DNAH7: variants seen among roughly 807,000 people sequenced by gnomAD.
DNAH7 encodes axonemal beta dynein heavy chain 7.
In DNAH7, 397 loss-of-function variants were observed where a neutral mutation model predicts 444.6. The ratio of observed to expected loss-of-function variants is 0.89; its 90% CI spans 0.82 to 0.97. The LOEUF is 0.97. Ranked by LOEUF, DNAH7 falls within the 50% of genes least tolerant of loss-of-function variation. DNAH7 has a pLI of 0.00. For missense variants in DNAH7, 4,902 were observed against 4,800.8 expected, an observed-to-expected ratio of 1.02 and a Z score of -0.62; for synonymous variants, 1,636 against 1,624.4, an observed-to-expected ratio of 1.01 and a Z score of -0.17.
chr2:195,824,105 T>C (rs1478368546), intron 49 of DNAH7, 150 bp downstream of exon 49: 1 of 647,854 alleles, frequency 1.5e-6, no homozygotes, highest in African/African-American at 1.8e-5. Context: ...ATGCAACATT[T>C]GGAAATTATT....
At chr2:196,029,425 G>A (rs1041190865) in intron 5 of DNAH7, among the ~76,000 whole-genome samples, 1 of 152,098 alleles carries the variant, frequency 6.6e-6, no homozygotes, top group Non-Finnish European at 1.5e-5. Context: ...AGGAATGGCT[G>A]TAGAAGTTCT....
intron 63 of DNAH7, 64 bp downstream of exon 63, chr2:195,754,273 C>A: frequency 6.8e-7 from 1 of 1,480,740 alleles, no homozygotes; most frequent in South Asian, 1.3e-5. Flanking sequence ...GGAAAGTATG[C>A]TAGAATGTCA....
chr2:195,912,238 G>A (rs1250151145), intron 24 of DNAH7, among the ~76,000 whole-genome samples: 5 of 152,104 alleles, frequency 3.3e-5, no homozygotes, highest in Non-Finnish European at 7.4e-5. Context: ...CTAACAGAGG[G>A]GCCTTTGAGA....
chr2:196,008,606 G>C (rs150555134), intron 10 of DNAH7, among the ~76,000 whole-genome samples: 2 of 152,284 alleles, frequency 1.3e-5, no homozygotes, highest in East Asian at 3.9e-4. Flanking sequence ...GCCATGAGAA[G>C]ATATGACATA....
intron 27 of DNAH7, chr2:195,901,336 A>G (rs1686692446): frequency 6.6e-6 from 1 of 152,180 alleles, no homozygotes; most frequent in Non-Finnish European, 1.5e-5. Context: ...TAAAAAGTAA[A>G]CAAATAAACA....
chr2:195,786,540 C>T (rs1328485031), intron 58 of DNAH7, among the ~76,000 whole-genome samples: 2 of 151,840 alleles, frequency 1.3e-5, no homozygotes, highest in Admixed American at 1.3e-4. Flanking sequence ...ACAGTCTATA[C>T]CCCAGGTTAA....
intron 12 of DNAH7, among the ~76,000 whole-genome samples, chr2:195,990,777 G>T (rs1378492656): frequency 7.7e-5 from 1 of 12,944 alleles, no homozygotes; most frequent in Admixed American, 1.0e-3. Context: ...TAGCTTTGTT[G>T]TGTGTGTGTG....
chr2:195,874,535 G>C (rs1369407707), intron 38 of DNAH7, among the ~76,000 whole-genome samples: 1 of 152,020 alleles, frequency 6.6e-6, no homozygotes, highest in Non-Finnish European at 1.5e-5. Flanking sequence ...GCCTGGCTTG[G>C]GGTGGTGGGG....
chr2:195,954,581 T>C lies in DNAH7; in HGVS notation c.3078+2680A>G, dbSNP rs1298527697. 2.0e-5 allele frequency among the ~76,000 whole-genome samples: 3 copies of C among 152,384 alleles called. No individual in the cohort carries two copies. The East Asian group carries it at 5.8e-4, about 29-fold the overall frequency. On this transcript the variant is annotated intron_variant, in intron 19 of 64. Transcript: ENST00000312428. Reference sequence around the variant, plus strand: ...CTGGGTCAAATGGTATTTCTAGTTCTAGATCCTTGAGGAATCACCACACTG... The same window carrying C: ...CTGGGTCAAATGGTATTTCTAGTTCCAGATCCTTGAGGAATCACCACACTG...
intron 2 of DNAH7, among the ~76,000 whole-genome samples, chr2:196,056,219 C>A (rs183826374): frequency 1.3e-5 from 2 of 151,854 alleles, no homozygotes; most frequent in Non-Finnish European, 2.9e-5. Flanking sequence ...CCGAGGCGGG[C>A]GGATTACCTG....
chr2:195,969,971 T>G lies in DNAH7; in HGVS notation c.2182A>C (p.Lys728Gln). The G allele has an allele frequency of 3.7e-6, 6 of 1,607,104 alleles. No homozygotes were observed. Among genetic ancestry groups the G allele is most frequent in the Non-Finnish European group, 5.1e-6 (6 of 1,178,346 alleles). ...YLKKAQILNG[K>Q]LDLAADKIEQ... ...ACCTTATCTGCAGCTAAATCCAACTTTCCATTCAGTATTTGAGCCTTTTTT... is the reference window on the plus strand; with the variant it reads ...ACCTTATCTGCAGCTAAATCCAACTGTCCATTCAGTATTTGAGCCTTTTTT... Residue 728 changes from lysine to glutamine, a missense_variant, in exon 17 of 65, where the codon AAG (lysine) becomes CAG (glutamine). By Grantham distance (53) the Lys-to-Gln change is moderately conservative. Transcript: ENST00000312428.
At chr2:195,822,884 A>G (rs1451602387) in intron 49 of DNAH7, among the ~76,000 whole-genome samples, 1 of 152,138 alleles carries the variant, frequency 6.6e-6, no homozygotes, top group Non-Finnish European at 1.5e-5. Context: ...CTTATATTTA[A>G]ATGTTAAATA....
chr2:195,923,089 C>T (rs1688123031), intron 23 of DNAH7, among the ~76,000 whole-genome samples: 1 of 152,156 alleles, frequency 6.6e-6, no homozygotes, highest in Non-Finnish European at 1.5e-5. Context: ...GTCTTGAACT[C>T]CTGACCTCAA....
Position 195,808,739 on chromosome 2 carries a change from G to C in DNAH7, c.10026C>G (p.Thr3342=). ...TTAAGCGCATAAACTCTCTACGAAT[G>C]GTTTTGAAGGCAGGCAAATCATCTA... ...CRLDDLPAFK[T]IRREFMRLKD... is the part of the protein sequence containing the mutation. The change falls in exon 53 of 65, where the codon ACC becomes ACG. Residue 3342 remains threonine (T), a synonymous_variant. Transcript: ENST00000312428. 1 of 1,614,006 alleles carries C rather than the reference G, an allele frequency of 6.2e-7. No homozygotes were observed. Among genetic ancestry groups the C allele is most frequent in the Non-Finnish European group, 8.5e-7 (1 of 1,179,964 alleles).
At chr2:196,034,516 A>C (rs1217850711) in intron 5 of DNAH7, among the ~76,000 whole-genome samples, 3 of 152,198 alleles carry the variant, frequency 2.0e-5, no homozygotes, top group Non-Finnish European at 4.4e-5. Context: ...TTTCCTTTGC[A>C]AAATCTGACA....
chr2:195,994,881 T>C (rs552031685), intron 12 of DNAH7: 9 of 405,292 alleles, frequency 2.2e-5, no homozygotes, highest in Non-Finnish European at 2.9e-5. Context: ...GGCCTTGACA[T>C]TGGGCCAGCA....
chr2:195,972,081 T>C (rs921205905), intron 16 of DNAH7, among the ~76,000 whole-genome samples, 161 bp downstream of exon 16: 3 of 152,266 alleles, frequency 2.0e-5, no homozygotes, highest in Non-Finnish European at 4.4e-5. Flanking sequence ...AAAGATCCAA[T>C]ATATTACTGT....
At chr2:195,778,782 C>A (rs1695230652) in intron 58 of DNAH7, among the ~76,000 whole-genome samples, 1 of 145,848 alleles carries the variant, frequency 6.9e-6, no homozygotes, top group African/African-American at 2.5e-5. Flanking sequence ...ACTTCACCAC[C>A]TTTCAATATC....
intron 58 of DNAH7, among the ~76,000 whole-genome samples, chr2:195,780,634 C>G (rs971405298): frequency 1.3e-5 from 2 of 151,958 alleles, no homozygotes; most frequent in East Asian, 1.9e-4. Flanking sequence ...ACCTGTAACC[C>G]CAGCTACTCA....
Sources: gnomAD v4.1 joint callset for allele counts (sites outside exome capture counted in the v4.1 genomes callset) on GRCh38, gnomAD v4.1.1 for gene constraint, MANE v1.5 for transcripts, NCBI Gene and HGNC (gene_info 2026-07-23, HGNC 2026-07-21) for gene names.